Variants in SFT2D2 observed in about 807,000 individuals in gnomAD.
SFT2D2 encodes vesicle transport protein SFT2B.
Under a neutral mutation model 27.4 loss-of-function variants are expected in SFT2D2, and 21 were observed. The observed-to-expected ratio is 0.77, with a 90% confidence interval of 0.54 to 1.10. The LOEUF is 1.10. SFT2D2 is among the 50% of genes least tolerant of loss of function. The probability of loss-of-function intolerance (pLI) is 0.00; values close to 1 mark genes in which losing one functional copy is unlikely to be tolerated. For missense variants in SFT2D2, 187 were observed against 194.2 expected (o/e 0.96, Z 0.22); for synonymous variants, 72 against 71.7 (o/e 1.00, Z -0.02).
rs56756222 is a variant in SFT2D2, at chr1:168,230,017, G to T, written c.64-1497G>T. Among the ~76,000 whole-genome samples, 296 of 152,268 alleles carry T rather than the reference G, an allele frequency of 1.9e-3. 1 individual carries two copies. The highest frequency in any genetic ancestry group is 5.4e-3 in the Admixed American group (83 of 15,296). On this transcript the variant is annotated intron_variant, in intron 1 of 7. Transcript: ENST00000271375. ...TTGTGCCTTCTGTGCAGGGTCATGA[G>T]CCCAGTTCCATATATATGAATGTAT...
chr1:168,239,147 A>C lies in SFT2D2; in HGVS notation c.430A>C (p.Ile144Leu). ...TCATTATAGGTACAGCCTTTCCTTC[A>C]TACCATTTGCAAGGTAAGACTGTGT... ...LALTWYSLSF[I>L]PFARDAVKKC... is the part of the protein sequence containing the mutation. Residue 144 changes from isoleucine to leucine, a missense_variant, in exon 7 of 8, where the codon ATA (isoleucine) becomes CTA (leucine). Transcript: ENST00000271375. 2.5e-6 allele frequency: 4 copies of C among 1,607,712 alleles called. No homozygotes were observed. The highest frequency in any genetic ancestry group is 3.4e-6 in the Non-Finnish European group (4 of 1,174,152).
intron 3 of SFT2D2, among the ~76,000 whole-genome samples, chr1:168,234,212 A>G (rs1023285884): frequency 1.3e-5 from 2 of 152,190 alleles, no homozygotes; most frequent in African/African-American, 4.8e-5. Context: ...CCTGGCCAAC[A>G]TGGTGAAACT....
chr1:168,234,722 G>A (rs1338575338), intron 3 of SFT2D2, among the ~76,000 whole-genome samples: 1 of 152,118 alleles, frequency 6.6e-6, no homozygotes, highest in Non-Finnish European at 1.5e-5. Flanking sequence ...AACTTCCTGA[G>A]CCTTGTTTGT....
At chr1:168,226,393 C>A (rs1160755011) in intron 1 of SFT2D2, among the ~76,000 whole-genome samples, 2 of 152,180 alleles carry the variant, frequency 1.3e-5, no homozygotes, top group African/African-American at 4.8e-5. Flanking sequence ...GAGGAAATCC[C>A]CGGACTGAGC....
rs1442657241 is a variant in SFT2D2 at position 168,252,996 on chromosome 1, A to G, written c.*10456A>G. On this transcript the variant is annotated 3_prime_UTR_variant, in exon 8 of 8. Transcript: ENST00000271375. The stretch of plus-strand genomic sequence containing the variant: ...TAGTTTTTTTTGCTTTCTTTCTTCA[A>G]TAAATGATAGCATTATGATCTTTAA... 2 of 152,196 alleles carry G rather than the reference A, an allele frequency of 1.3e-5. No individual in the cohort carries two copies. The highest frequency in any genetic ancestry group is 2.9e-5 in the Non-Finnish European group (2 of 68,034). The allele number at this position is 152,196 out of a possible 1,614,324, so 9.4% of individuals were successfully genotyped here. A position where few individuals can be genotyped will look rare whatever the true frequency, so the allele number is the denominator to read the frequency against.
Position 168,235,083 on chromosome 1 carries a change from CG to C in SFT2D2, c.237-17del, listed in dbSNP as rs752481139. On this transcript the variant is annotated splice_polypyrimidine_tract_variant and intron_variant, in intron 3 of 7. Coordinates refer to ENST00000271375, the MANE Select transcript of SFT2D2 (RefSeq NM_199344.3). ...AGTTCTGTTCTGAACGGCTTGTGTG[CG>C]TGTGTTTGCCTTTTAGTACCATCTT... The C allele has an allele frequency of 6.2e-7, 1 of 1,612,384 alleles. No individual in the cohort carries two copies. Among genetic ancestry groups the C allele is most frequent in the African/African-American group, 1.3e-5 (1 of 74,744 alleles).
In SFT2D2 at chr1:168,250,074, G is replaced by A. The variant is rs531363029; in HGVS notation, c.*7534G>A. On this transcript the variant is annotated 3_prime_UTR_variant, in exon 8 of 8. Coordinates refer to ENST00000271375, the MANE Select transcript of SFT2D2 (RefSeq NM_199344.3). ...CAGACCCCACGAGTGGAGGCGTCAG[G>A]GAGGGGTTCTTGGCAGGAGATGGGT... 8.5e-5 allele frequency: 13 copies of A among 152,292 alleles called. No individual in the cohort carries two copies. Among genetic ancestry groups the A allele is most frequent in the African/African-American group, 2.9e-4 (12 of 41,544 alleles). 9.4% of individuals were successfully genotyped at this position (152,292 alleles called of 1,614,324 possible).
Position 168,231,816 on chromosome 1 carries a change from C to G in SFT2D2, c.151-18C>G, listed in dbSNP as rs374072885. 8.7e-6 allele frequency: 14 copies of G among 1,612,828 alleles called. No homozygotes were observed. The highest frequency in any genetic ancestry group is 2.2e-5 in the South Asian group (2 of 91,074). ...TGGGAGGGTTGCTCATGTGCAAACA[C>G]TGTACTTTAAATTCCAGGGTACTGT... On this transcript the variant is annotated intron_variant, in intron 2 of 7. Coordinates refer to ENST00000271375, the MANE Select transcript of SFT2D2 (RefSeq NM_199344.3).
Position 168,227,766 on chromosome 1 carries a change from G to A in SFT2D2, c.63+1624G>A, listed in dbSNP as rs544600468. ...CCATAGACTGTCAACAAGCCTTTAT[G>A]AACAATTGGTGCTTAAGAGGCAGAC... On this transcript the variant is annotated intron_variant, in intron 1 of 7. Coordinates refer to ENST00000271375, the MANE Select transcript of SFT2D2 (RefSeq NM_199344.3). 2.8e-4 allele frequency among the ~76,000 whole-genome samples: 43 copies of A among 152,226 alleles called. No individual in the cohort carries two copies. The South Asian group carries it at 8.5e-3, about 30-fold the overall frequency.
chr1:168,229,450 T>G (rs1262779760), intron 1 of SFT2D2, among the ~76,000 whole-genome samples: 1 of 152,240 alleles, frequency 6.6e-6, no homozygotes, highest in Non-Finnish European at 1.5e-5. Flanking sequence ...TTTAAAATTA[T>G]CCGTGTTGAT....
rs948439346 is a variant in SFT2D2, at chr1:168,251,573, C to T, written c.*9033C>T. ...TGCTCAGATAACTTCTGACTAGAGT[C>T]GACGGTAGGATTATAAATGGTTTAA... On this transcript the variant is annotated 3_prime_UTR_variant, in exon 8 of 8. Coordinates refer to ENST00000271375, the MANE Select transcript of SFT2D2 (RefSeq NM_199344.3). 1.3e-5 allele frequency: 2 copies of T among 152,020 alleles called. No homozygotes were observed. Among genetic ancestry groups the T allele is most frequent in the South Asian group, 2.1e-4 (1 of 4,822 alleles). The allele number at this position is 152,020 out of a possible 1,614,324, so 9.4% of individuals were successfully genotyped here.
At chr1:168,237,287 G>T (rs1291015064) in intron 6 of SFT2D2, among the ~76,000 whole-genome samples, 1 of 152,238 alleles carries the variant, frequency 6.6e-6, no homozygotes, top group East Asian at 1.9e-4. Context: ...GTGTCTGTGG[G>T]CTGTAGGATC....
rs146929842 is a variant in SFT2D2 at position 168,240,860 on chromosome 1, C to T, written c.444-1641C>T. Among the ~76,000 whole-genome samples the T allele has an allele frequency of 7.4e-3, 1,120 of 152,048 alleles. 14 individuals are homozygous for T. Among genetic ancestry groups the T allele is most frequent in the African/African-American group, 0.025 (1,053 of 41,440 alleles). ...CTGGGAGGCGGAGGTTGCACTGAGC[C>T]GAGATCACGCCATTGCCCTCCAGCC... On this transcript the variant is annotated intron_variant, in intron 7 of 7. Transcript: ENST00000271375.
rs1376854612 is a variant in SFT2D2, at chr1:168,252,017, A to C, written c.*9477A>C. 6.6e-6 allele frequency: 1 copy of C among 152,150 alleles called. No individual in the cohort carries two copies. The highest frequency in any genetic ancestry group is 1.5e-5 in the Non-Finnish European group (1 of 68,020). 9.4% of individuals were successfully genotyped at this position (152,150 alleles called of 1,614,324 possible). The stretch of plus-strand genomic sequence containing the variant: ...TAGGGGATTTAGTTCCACTTTGGTT[A>C]TTTTCACTTCTACCCTAAATTCATA... On this transcript the variant is annotated 3_prime_UTR_variant, in exon 8 of 8. Transcript: ENST00000271375.
chr1:168,236,710 A>G lies in SFT2D2; in HGVS notation c.355-2A>G. ...CCTATAACCATATTATTATTTTTCC[A>G]GTGGCATAACAAGGGACTTGCACTT... On this transcript the variant is annotated splice_acceptor_variant, in intron 5 of 7. Coordinates refer to ENST00000271375, the MANE Select transcript of SFT2D2 (RefSeq NM_199344.3). LOFTEE classifies it high-confidence loss of function. 6.2e-7 allele frequency: 1 copy of G among 1,613,944 alleles called. No individual in the cohort carries two copies.
In SFT2D2 at chr1:168,234,958, G is replaced by A. The variant is rs1647445799; in HGVS notation, c.237-143G>A. On this transcript the variant is annotated intron_variant, in intron 3 of 7. Transcript: ENST00000271375. Reference sequence around the variant, plus strand: ...TGTTGATGGATTAAATGAGAAAAATGCACGAAAGGCCCTTCAGCACAGTCA... The same window carrying A: ...TGTTGATGGATTAAATGAGAAAAATACACGAAAGGCCCTTCAGCACAGTCA... 4 of 730,582 alleles carry A rather than the reference G, an allele frequency of 5.5e-6. No homozygotes were observed. The South Asian group carries it at 6.5e-5, about 12-fold the overall frequency. The allele number at this position is 730,582 out of a possible 1,614,324, so 45.3% of individuals were successfully genotyped here. A position where few individuals can be genotyped will look rare whatever the true frequency, so the allele number is the denominator to read the frequency against.
Position 168,246,063 on chromosome 1 carries a change from G to T in SFT2D2, c.*3523G>T. ...AGCATCCAGCAAAGCTTTTGTTGTTGATTGTTTAGGACGTCACCCTGTTTT... is the reference window on the plus strand; with the variant it reads ...AGCATCCAGCAAAGCTTTTGTTGTTTATTGTTTAGGACGTCACCCTGTTTT... On this transcript the variant is annotated 3_prime_UTR_variant, in exon 8 of 8. Coordinates refer to ENST00000271375, the MANE Select transcript of SFT2D2 (RefSeq NM_199344.3). 1 of 226,438 alleles carries T rather than the reference G, an allele frequency of 4.4e-6. No individual in the cohort carries two copies. The highest frequency in any genetic ancestry group is 5.6e-5 in the South Asian group (1 of 17,702). 14.0% of individuals were successfully genotyped at this position (226,438 alleles called of 1,614,324 possible).
chr1:168,240,833 A>G (rs1647627279), intron 7 of SFT2D2, among the ~76,000 whole-genome samples: 2 of 151,942 alleles, frequency 1.3e-5, no homozygotes, highest in Non-Finnish European at 2.9e-5. Context: ...AATCGCTTGA[A>G]CCTGGGAGGC....
intron 1 of SFT2D2, chr1:168,229,643 C>G (rs1356147108): frequency 1.3e-5 from 2 of 152,424 alleles, no homozygotes; most frequent in Non-Finnish European, 2.9e-5. Context: ...TTCCTACGAA[C>G]AAGCCAGGCC....
Sources: allele counts gnomAD v4.1 joint callset (sites outside exome capture counted in the v4.1 genomes callset), GRCh38; gene constraint gnomAD v4.1.1; transcripts MANE v1.5; gene names NCBI Gene and HGNC (gene_info 2026-07-23, HGNC 2026-07-21).